The following AGO2 variants were observed in gnomAD, a reference collection of about 807,000 sequenced individuals.
The protein encoded by AGO2 is protein argonaute-2.
A neutral mutation model predicts 102.3 loss-of-function variants in AGO2; 5 were observed. That is an observed-to-expected ratio of 0.05 (90% confidence interval 0.03 to 0.10). AGO2 has a LOEUF of 0.10. AGO2 is among the 10% of genes least tolerant of loss of function. The pLI is 1.00. For synonymous variants in AGO2, 449 were observed against 473.1 expected (o/e 0.95, Z 0.66); for missense variants, 541 against 1,183.7 (o/e 0.46, Z 7.97).
chr8:140,543,845 G>C (rs548196194), intron 14 of AGO2, among the ~76,000 whole-genome samples: 1 of 152,214 alleles, frequency 6.6e-6, no homozygotes, highest in Non-Finnish European at 1.5e-5. Context: ...GGGCCTGTCT[G>C]GGGTTCGGGG....
chr8:140,538,335 T>C (rs562259786), intron 16 of AGO2, among the ~76,000 whole-genome samples: 5 of 152,344 alleles, frequency 3.3e-5, no homozygotes, highest in South Asian at 4.2e-4. Context: ...CAAGGTCTCC[T>C]GGTTCAGTCC....
upstream of AGO2, among the ~76,000 whole-genome samples, chr8:140,640,341 T>A (rs1368168346): frequency 6.6e-6 from 1 of 151,994 alleles, no homozygotes; most frequent in East Asian, 1.9e-4. Context: ...TTTTATTATT[T>A]TTTTTCTTTT....
At chr8:140,542,740 C>CG (rs913542385) in intron 14 of AGO2, among the ~76,000 whole-genome samples, 15 of 152,208 alleles carry the variant, frequency 9.9e-5, no homozygotes, top group Non-Finnish European at 1.5e-4. Context: ...GCAGGACCCT[C>CG]GGGGGGTCCC....
Position 140,520,484 on chromosome 8 carries a change from A to G in AGO2, c.*11560T>C, listed in dbSNP as rs2072398045. The G allele has an allele frequency of 6.6e-6, 1 of 152,180 alleles. No homozygotes were observed. Among genetic ancestry groups the G allele is most frequent in the Non-Finnish European group, 1.5e-5 (1 of 68,034 alleles). The allele number at this position is 152,180 out of a possible 1,614,324, so 9.4% of individuals were successfully genotyped here. A position where few individuals can be genotyped will look rare whatever the true frequency, so the allele number is the denominator to read the frequency against. ...CAGCTAAGCTTAAACACGACAATAG[A>G]TGCTCAGTTTCTCAGCATTTAGCTT... On this transcript the variant is annotated 3_prime_UTR_variant, in exon 19 of 19. Transcript: ENST00000220592.
Position 140,524,948 on chromosome 8 carries a change from A to T in AGO2, c.*7096T>A, listed in dbSNP as rs1413750332. The T allele has an allele frequency of 6.6e-6, 1 of 152,186 alleles. No homozygotes were observed. Among genetic ancestry groups the T allele is most frequent in the African/African-American group, 2.4e-5 (1 of 41,444 alleles). The allele number at this position is 152,186 out of a possible 1,614,324, so 9.4% of individuals were successfully genotyped here. ...TCCAGTTCCTGGAGACACTTGGGGGAAAGAGTTAATATTTGGTGTTTTAGC... is the reference window on the plus strand; with the variant it reads ...TCCAGTTCCTGGAGACACTTGGGGGTAAGAGTTAATATTTGGTGTTTTAGC... On this transcript the variant is annotated 3_prime_UTR_variant, in exon 19 of 19. Coordinates refer to ENST00000220592, the MANE Select transcript of AGO2 (RefSeq NM_012154.5).
At chr8:140,641,861 G>A in the AGO2 span, among the ~76,000 whole-genome samples, 1 of 152,150 alleles carries the variant, frequency 6.6e-6, no homozygotes, top group African/African-American at 2.4e-5. Flanking sequence ...TGAGCCATCA[G>A]GCCTGGCCTA....
intron 1 of AGO2, among the ~76,000 whole-genome samples, chr8:140,587,309 T>C (rs540437337): frequency 9.9e-5 from 15 of 152,270 alleles, no homozygotes; most frequent in Non-Finnish European, 1.5e-4. Flanking sequence ...CTTCTAGCTT[T>C]CAATAATGAA....
chr8:140,560,378 A>C lies in AGO2; in HGVS notation c.651T>G (p.Ile217Met). The change falls in exon 5 of 19, where the codon ATT becomes ATG. Residue 217 changes from isoleucine (I) to methionine (M), a missense_variant. Physicochemically the swap from Ile to Met is conservative, Grantham distance 10. Coordinates refer to ENST00000220592, the MANE Select transcript of AGO2 (RefSeq NM_012154.5). ...AGACCCCAGGGCGCTGCTTACCATC[A>C]ATATTCAGCATCATTTTCCAGAGAG... The part of the protein sequence containing the change: ...RPSLWKMMLN[I>M]DVSATAFYKA... 1.2e-6 allele frequency: 2 copies of C among 1,613,956 alleles called. No individual in the cohort carries two copies. Among genetic ancestry groups the C allele is most frequent in the Non-Finnish European group, 1.7e-6 (2 of 1,179,920 alleles).
intron 11 of AGO2, 92 bp downstream of exon 11, chr8:140,551,211 C>A (rs1283397094): frequency 5.1e-6 from 7 of 1,376,336 alleles, no homozygotes. Context: ...CCCTCACCCC[C>A]ACCCCAACCA....
intron 1 of AGO2, among the ~76,000 whole-genome samples, chr8:140,626,079 G>C (rs138697582): frequency 1.3e-5 from 2 of 151,380 alleles, no homozygotes; most frequent in African/African-American, 2.4e-5. Flanking sequence ...GCAGCACGTG[G>C]CCTTCTAGTT....
intron 2 of AGO2, among the ~76,000 whole-genome samples, chr8:140,580,229 G>A (rs1452766713): frequency 1.3e-5 from 2 of 152,260 alleles, no homozygotes; most frequent in Non-Finnish European, 2.9e-5. Flanking sequence ...CGGCAGCCCC[G>A]GGAAAGGGGT....
In AGO2 at chr8:140,540,677, C is replaced by G. The variant is rs939887485; in HGVS notation, c.2034+487G>C. The stretch of plus-strand genomic sequence containing the variant: ...GGCCGTCCCTCTCTCTACATCCAGA[C>G]AGTGGCCGCGTCCTGGCGACCCTAC... On this transcript the variant is annotated intron_variant, in intron 15 of 18. Transcript: ENST00000220592. The surrounding 1 kb of genome is among the most constrained non-coding windows in gnomAD (Gnocchi z 5.0). Among the ~76,000 whole-genome samples, 1 of 152,226 alleles carries G rather than the reference C, an allele frequency of 6.6e-6. No individual in the cohort carries two copies. The highest frequency in any genetic ancestry group is 2.4e-5 in the African/African-American group (1 of 41,456).
At chr8:140,536,538 G>A (rs2072701296) in intron 16 of AGO2, among the ~76,000 whole-genome samples, 2 of 152,042 alleles carry the variant, frequency 1.3e-5, no homozygotes, top group Non-Finnish European at 2.9e-5. Flanking sequence ...TGTTGGTCAG[G>A]CTGGTCTTGA....
chr8:140,595,396 T>G (rs2073810651), intron 1 of AGO2, among the ~76,000 whole-genome samples: 1 of 152,060 alleles, frequency 6.6e-6, no homozygotes, highest in South Asian at 2.1e-4. Context: ...TGATTATTCC[T>G]GAGTGGTCAA....
chr8:140,626,149 G>A (rs141576339), intron 1 of AGO2, among the ~76,000 whole-genome samples: 122 of 152,170 alleles, frequency 8.0e-4, no homozygotes, highest in East Asian at 4.1e-3. Flanking sequence ...TTTCGGCGTC[G>A]CTCCTGTCTA....
In AGO2 at chr8:140,557,632, G is replaced by A. The variant is rs914340483; in HGVS notation, c.879-396C>T. ...AGGCCTGAAGCCCCCAGGACAGGAC[G>A]AGGAAAGCAGGCCAGGCCGGTTCCG... On this transcript the variant is annotated intron_variant, in intron 7 of 18. Coordinates refer to ENST00000220592, the MANE Select transcript of AGO2 (RefSeq NM_012154.5). The surrounding 1 kb of genome is among the most constrained non-coding windows in gnomAD (Gnocchi z 5.9). Among the ~76,000 whole-genome samples the A allele has an allele frequency of 1.3e-5, 2 of 152,246 alleles. No individual in the cohort carries two copies. The highest frequency in any genetic ancestry group is 1.9e-4 in the East Asian group (1 of 5,196).
intron 1 of AGO2, among the ~76,000 whole-genome samples, chr8:140,630,585 G>A (rs1474627309): frequency 1.3e-5 from 2 of 152,238 alleles, no homozygotes; most frequent in African/African-American, 4.8e-5. Flanking sequence ...GTGAGGAGGA[G>A]AGAGCAACCA....
intron 18 of AGO2, 118 bp from the exon 19 acceptor site, chr8:140,532,270 C>T (rs755441411): frequency 1.8e-5 from 25 of 1,369,004 alleles, no homozygotes; most frequent in African/African-American, 1.6e-4. Context: ...AAGAGTCCCA[C>T]GCTGACGGCC....
At chr8:140,610,958 G>A (rs1389515649) in intron 1 of AGO2, among the ~76,000 whole-genome samples, 2 of 152,234 alleles carry the variant, frequency 1.3e-5, no homozygotes, top group African/African-American at 4.8e-5. Context: ...TAATTAAAGT[G>A]GAACATCTCT....
Sources: allele counts gnomAD v4.1 joint callset (sites outside exome capture counted in the v4.1 genomes callset), GRCh38; gene constraint gnomAD v4.1.1; non-coding constraint Gnocchi (gnomAD v3.1); transcripts MANE v1.5; gene names NCBI Gene and HGNC (gene_info 2026-07-23, HGNC 2026-07-21).